The following KLK15 variants were observed in gnomAD, a reference collection of about 807,000 sequenced individuals.
The protein encoded by KLK15 is kallikrein related peptidase 15.
Under a neutral mutation model 21.1 loss-of-function variants are expected in KLK15, and 19 were observed. That is an observed-to-expected ratio of 0.90 (90% CI 0.63 to 1.32). The LOEUF is 1.32. Ranked by LOEUF, KLK15 falls within the 40% of genes most tolerant of loss-of-function variation. The pLI is 0.00. For missense variants in KLK15, 345 were observed against 348.6 expected (o/e 0.99, Z 0.08); for synonymous variants, 141 against 141.5 (o/e 1.00, Z 0.03).
chr19:50,826,633 T>G (rs913402478), exon 4 of KLK15: 2 of 1,602,268 alleles, frequency 1.2e-6, no homozygotes, highest in Admixed American at 1.7e-5. Context: ...CACAGGATTC[T>G]GCGCCTCTGC....
chr19:50,829,130 T>C (rs748850720), intron 1 of KLK15, among the ~76,000 whole-genome samples: 1 of 151,360 alleles, frequency 6.6e-6, no homozygotes. Context: ...ACATCTCTAG[T>C]GTGAGTCTTG....
At chr19:50,832,322 C>CTTTTTTTTTTTTTTTTTTTTT (rs773163899), upstream of KLK15, among the ~76,000 whole-genome samples, 1 of 109,440 alleles carries the variant, frequency 9.1e-6, no homozygotes, top group African/African-American at 3.4e-5. Context: ...CTTTTTTTTT[C>CTTTTTTTTTTTTTTTTTTTTT]TTTTTTTTTT....
intron 1 of KLK15, 84 bp from the exon 3 acceptor site, chr19:50,827,899 A>C (rs1433149530): frequency 3.8e-6 from 5 of 1,305,632 alleles, no homozygotes; most frequent in Non-Finnish European, 5.5e-6. Context: ...CCTAACTACT[A>C]TATGCCTATG....
chr19:50,832,322 C>CTTTT (rs773163899), upstream of KLK15, among the ~76,000 whole-genome samples: 3,806 of 109,082 alleles, frequency 0.035, 122 homozygotes, highest in East Asian at 0.055. Flanking sequence ...CTTTTTTTTT[C>CTTTT]TTTTTTTTTT....
At chr19:50,829,165 ATAC>A (rs1158704212) in intron 1 of KLK15, among the ~76,000 whole-genome samples, 2 of 151,426 alleles carry the variant, frequency 1.3e-5, no homozygotes, top group Admixed American at 1.3e-4. Context: ...AGACACTTGC[ATAC>A]AGGGTCTGGA....
rs368673765 is a variant in KLK15 at position 50,827,750 on chromosome 19, C to T, written c.109G>A (p.Val37Met). ...AAGCGTCCACGCTCGTAGAGAGCCA[C>T]TTGCCATGGCTGGGAGTGGGGTGCA... Residue 37 changes from valine to methionine, a missense_variant, in exon 2 of 5, where the codon GTG (valine) becomes ATG (methionine). Val to Met is a conservative substitution (Grantham distance 21). Coordinates refer to ENST00000598239, the Ensembl canonical transcript of KLK15. 39 of 1,611,086 alleles carry T rather than the reference C, an allele frequency of 2.4e-5. 1 individual carries two copies. Among genetic ancestry groups the T allele is most frequent in the Non-Finnish European group, 3.3e-5 (39 of 1,177,466 alleles).
chr19:50,831,444 C>T lies in KLK15; in HGVS notation c.43+6G>A, dbSNP rs1337853334. ...CAGACCTGGCCCCCTCCTGGGGCCACCTCACCTGTGGATGCCAGCAGGAAG... is the reference window on the plus strand; with the variant it reads ...CAGACCTGGCCCCCTCCTGGGGCCATCTCACCTGTGGATGCCAGCAGGAAG... On this transcript the variant is annotated splice_donor_region_variant and intron_variant, in intron 1 of 4. Transcript: ENST00000598239. 2 of 1,428,272 alleles carry T rather than the reference C, an allele frequency of 1.4e-6. No homozygotes were observed. Among genetic ancestry groups the T allele is most frequent in the Non-Finnish European group, 1.8e-6 (2 of 1,094,266 alleles). The allele number at this position is 1,428,272 out of a possible 1,614,324, so 88.5% of individuals were successfully genotyped here.
intron 1 of KLK15, chr19:50,830,582 G>A (rs1192639911): frequency 6.9e-6 from 1 of 144,964 alleles, no homozygotes; most frequent in Non-Finnish European, 1.6e-5. Flanking sequence ...AGTGCACAGA[G>A]AGAGCCGGAG....
At chr19:50,825,481 G>A (rs890485747), downstream of KLK15, 5 of 196,648 alleles carry the variant, frequency 2.5e-5, no homozygotes, top group South Asian at 4.9e-4. Flanking sequence ...GCTTCAAGCC[G>A]CTTCTCCTCA....
chr19:50,828,319 T>C lies in KLK15; in HGVS notation c.44-504A>G, dbSNP rs1441753545. 2.0e-5 allele frequency among the ~76,000 whole-genome samples: 3 copies of C among 151,474 alleles called. 1 individual carries two copies. Among genetic ancestry groups the C allele is most frequent in the Non-Finnish European group, 4.4e-5 (3 of 67,742 alleles). On this transcript the variant is annotated intron_variant, in intron 1 of 4. Coordinates refer to ENST00000598239, the Ensembl canonical transcript of KLK15. The stretch of plus-strand genomic sequence containing the variant: ...GCCCCCACCCCATTTGCTATAAGAC[T>C]CTGGGAGAGAGAGGAAGGGGAACAG...
exon 3 of KLK15, chr19:50,826,973 G>A (rs139927076): frequency 1.9e-6 from 3 of 1,606,478 alleles, no homozygotes; most frequent in Non-Finnish European, 2.5e-6. Flanking sequence ...GGGGCAACGC[G>A]TGGGTAGCAC....
At chr19:50,831,598 T>C, upstream of KLK15, 1 of 845,376 alleles carries the variant, frequency 1.2e-6, no homozygotes, top group Non-Finnish European at 1.7e-6. Flanking sequence ...GACACAGACT[T>C]ATCCCATCCA....
At chr19:50,826,835 G>A (rs747193675) in intron 3 of KLK15, 43 bp downstream of exon 4, 2 of 1,560,372 alleles carry the variant, frequency 1.3e-6, no homozygotes, top group Non-Finnish European at 1.7e-6. Context: ...CTGGAGCATA[G>A]GATTCCTTGA....
upstream of KLK15, among the ~76,000 whole-genome samples, chr19:50,832,830 G>T (rs1474540014): frequency 6.6e-6 from 1 of 152,140 alleles, no homozygotes; most frequent in East Asian, 1.9e-4. Context: ...ACCCTCAGTG[G>T]TGTCTGCCTC....
chr19:50,832,322 CTTTTTTTTTTTTT>C (rs773163899), upstream of KLK15, among the ~76,000 whole-genome samples: 1 of 109,440 alleles, frequency 9.1e-6, no homozygotes, highest in African/African-American at 3.4e-5. Context: ...CTTTTTTTTT[CTTTTTTTTTTTTT>C]TTTTTGAGAC....
At chr19:50,828,969 C>CAAAAAAAAAAAAAAAAAA (rs3078002) in intron 1 of KLK15, among the ~76,000 whole-genome samples, 1 of 56,644 alleles carries the variant, frequency 1.8e-5, no homozygotes, top group Non-Finnish European at 3.2e-5. Flanking sequence ...AACTCCATCT[C>CAAAAAAAAAAAAAAAAAA]AAAAAAAAAA....
intron 1 of KLK15, among the ~76,000 whole-genome samples, chr19:50,829,210 G>A (rs1170127070): frequency 6.6e-6 from 1 of 151,410 alleles, no homozygotes; most frequent in Non-Finnish European, 1.5e-5. Flanking sequence ...GGGTTCGAAT[G>A]TACTAGCTGT....
upstream of KLK15, among the ~76,000 whole-genome samples, chr19:50,833,367 T>G (rs1457581653): frequency 2.6e-5 from 4 of 152,210 alleles, no homozygotes; most frequent in Non-Finnish European, 5.9e-5. Context: ...CAGGACATTT[T>G]CTTGGTTCAG....
intron 1 of KLK15, 118 bp from the exon 3 acceptor site, chr19:50,827,933 A>C: frequency 2.3e-6 from 2 of 855,204 alleles, no homozygotes; most frequent in Non-Finnish European, 3.3e-6. Flanking sequence ...TTCTCAAGAC[A>C]CCCTGCCCTG....
Sources: gnomAD v4.1 joint callset for allele counts (sites outside exome capture counted in the v4.1 genomes callset) on GRCh38, gnomAD v4.1.1 for gene constraint, MANE v1.5 for transcripts, NCBI Gene and HGNC (gene_info 2026-07-23, HGNC 2026-07-21) for gene names.